Variants in JAK2 observed in about 807,000 individuals in gnomAD.
The protein encoded by JAK2 is tyrosine-protein kinase JAK2.
A neutral mutation model predicts 139.3 loss-of-function variants in JAK2; 86 were observed. The observed-to-expected ratio is 0.62, with a 90% CI of 0.52 to 0.74. The LOEUF is 0.74. JAK2 is among the 30% of genes least tolerant of loss of function. The probability of loss-of-function intolerance (pLI) is 0.00; values close to 1 mark genes in which losing one functional copy is unlikely to be tolerated. For synonymous variants in JAK2, 490 were observed against 437.7 expected, an observed-to-expected ratio of 1.12 and a Z score of -1.49; for missense variants, 1,421 against 1,360.3, an observed-to-expected ratio of 1.04 and a Z score of -0.70.
chr9:5,068,171 CAACA>C (rs1818696733), intron 10 of JAK2, among the ~76,000 whole-genome samples: 2 of 75,436 alleles, frequency 2.7e-5, no homozygotes, highest in African/African-American at 2.3e-4. Flanking sequence ...AAAAAAACAA[CAACA>C]AAAAAAAAAA....
At chr9:5,073,542 C>A (rs1225456040) in intron 13 of JAK2, among the ~76,000 whole-genome samples, 156 bp from the exon 14 acceptor site, 2 of 152,164 alleles carry the variant, frequency 1.3e-5, no homozygotes, top group African/African-American at 4.8e-5. Context: ...ATGGCAGTTG[C>A]AGGTCCATAT....
At chr9:5,111,483 A>G (rs1418838527) in intron 22 of JAK2, 2 of 374,108 alleles carry the variant, frequency 5.3e-6, no homozygotes, top group Admixed American at 3.6e-5. Flanking sequence ...TCAGGTGAGG[A>G]GTACGGTAGG....
intron 22 of JAK2, among the ~76,000 whole-genome samples, chr9:5,115,000 T>G (rs12344747): frequency 6.6e-6 from 1 of 152,122 alleles, no homozygotes; most frequent in Non-Finnish European, 1.5e-5. Flanking sequence ...ATTCAGGACA[T>G]AGGCATGGGC....
intron 2 of JAK2, among the ~76,000 whole-genome samples, chr9:5,011,585 G>C (rs1821703298): frequency 6.6e-6 from 1 of 152,098 alleles, no homozygotes; most frequent in Non-Finnish European, 1.5e-5. Flanking sequence ...ATGTATCATA[G>C]TAAACAAAGT....
At chr9:5,098,246 A>G (rs1327086331) in intron 22 of JAK2, 1 of 152,226 alleles carries the variant, frequency 6.6e-6, no homozygotes, top group Non-Finnish European at 1.5e-5. Context: ...TTTCAAGCCA[A>G]TCAAAAACCT....
intron 2 of JAK2, among the ~76,000 whole-genome samples, chr9:4,998,491 G>A (rs1016772408): frequency 8.5e-5 from 13 of 152,166 alleles, no homozygotes; most frequent in South Asian, 2.1e-4. Flanking sequence ...TCCTGACCTC[G>A]TGATCCGCCC....
intron 19 of JAK2, among the ~76,000 whole-genome samples, chr9:5,088,844 A>T (rs1427920276): frequency 1.3e-5 from 2 of 152,022 alleles, no homozygotes; most frequent in African/African-American, 4.8e-5. Context: ...TTCCACCCTT[A>T]TAACCTAATT....
In JAK2 at chr9:5,054,649, G is replaced by A. The variant is rs373174105; in HGVS notation, c.701G>A (p.Arg234His). 24 of 1,612,988 alleles carry A rather than the reference G, an allele frequency of 1.5e-5. No individual in the cohort carries two copies. Among genetic ancestry groups the A allele is most frequent in the Middle Eastern group, 1.6e-4 (1 of 6,082 alleles). The change falls in exon 7 of 25, where the codon CGC becomes CAC. Residue 234 changes from arginine (R) to histidine (H), a missense_variant. Coordinates refer to ENST00000381652, the MANE Select transcript of JAK2 (RefSeq NM_004972.4). The surrounding 1 kb of genome is among the most constrained non-coding windows in gnomAD (Gnocchi z 4.9). ...LTRKRIRYRF[R>H]RFIQQFSQCK... ...AGGAAGCGAATAAGGTACAGATTTC[G>A]CAGATTTATTCAGCAATTCAGCCAA...
chr9:5,092,454 C>A (rs1485652932), intron 22 of JAK2, among the ~76,000 whole-genome samples: 1 of 152,174 alleles, frequency 6.6e-6, no homozygotes, highest in Non-Finnish European at 1.5e-5. Context: ...CGGAAGATTT[C>A]ATCACAACCT....
chr9:5,054,797 G>T lies in JAK2; in HGVS notation c.849G>T (p.Glu283Asp), dbSNP rs762791853. The T allele has an allele frequency of 1.9e-6, 3 of 1,613,078 alleles. No homozygotes were observed. Among genetic ancestry groups the T allele is most frequent in the Non-Finnish European group, 2.5e-6 (3 of 1,179,326 alleles). ...KEPGSGPSGE[E>D]IFATIIITGN... ...CTGGAAGTGGTCCTTCAGGTGAGGA[G>T]ATTTTTGCAACCATTATAATAACTG... is the stretch of plus-strand genomic sequence containing the variant. Residue 283 changes from glutamate (E) to aspartate (D), a missense_variant, in exon 7 of 25, where the codon GAG (glutamate) becomes GAT (aspartate). Physicochemically the swap from Glu to Asp is conservative, Grantham distance 45 (BLOSUM62 2). Transcript: ENST00000381652. The surrounding 1 kb of genome is among the most constrained non-coding windows in gnomAD (Gnocchi z 4.9).
At chr9:5,068,733 C>T (rs1818741345) in intron 10 of JAK2, among the ~76,000 whole-genome samples, 1 of 152,178 alleles carries the variant, frequency 6.6e-6, no homozygotes, top group Non-Finnish European at 1.5e-5. Flanking sequence ...TAGGCTTTAT[C>T]TTATAAATGA....
chr9:5,096,826 A>G (rs77419849), intron 22 of JAK2: 33 of 152,298 alleles, frequency 2.2e-4, no homozygotes, highest in African/African-American at 7.2e-4. Context: ...GACCAGATCT[A>G]TAATGTTATT....
chr9:5,035,537 G>A lies in JAK2; in HGVS notation c.350+5631G>A, dbSNP rs190788221. On this transcript the variant is annotated intron_variant, in intron 4 of 24. Coordinates refer to ENST00000381652, the MANE Select transcript of JAK2 (RefSeq NM_004972.4). ...GCACATCAAAAAGCTTATCCACCAT[G>A]ATCAAGTGGGCTTCATGCCTGGGAT... Among the ~76,000 whole-genome samples, 706 of 152,302 alleles carry A rather than the reference G, an allele frequency of 4.6e-3. 6 individuals are homozygous for A. The highest frequency in any genetic ancestry group is 0.016 in the African/African-American group (671 of 41,570).
At chr9:5,010,243 T>C (rs2129948450) in intron 2 of JAK2, among the ~76,000 whole-genome samples, 1 of 152,346 alleles carries the variant, frequency 6.6e-6, no homozygotes, top group South Asian at 2.1e-4. Context: ...TCCTTTTAGC[T>C]ACTGTTGTTA....
At chr9:5,038,590 T>G (rs1254298237) in intron 4 of JAK2, among the ~76,000 whole-genome samples, 1 of 102,334 alleles carries the variant, frequency 9.8e-6, no homozygotes. Flanking sequence ...GTGTTTTGGA[T>G]TTTAGATTTT....
intron 22 of JAK2, 173 bp downstream of exon 22, chr9:5,091,084 C>A: frequency 2.0e-6 from 1 of 489,564 alleles, no homozygotes. Context: ...TTATAGTCCA[C>A]GTGGGAAAAT....
At chr9:5,097,821 C>G (rs369766505) in intron 22 of JAK2, 1 of 152,196 alleles carries the variant, frequency 6.6e-6, no homozygotes, top group Non-Finnish European at 1.5e-5. Context: ...GAGCGGTGTT[C>G]GCCATCATAG....
chr9:4,999,623 C>T (rs912769057), intron 2 of JAK2, among the ~76,000 whole-genome samples: 2 of 152,144 alleles, frequency 1.3e-5, no homozygotes, highest in Admixed American at 6.5e-5. Flanking sequence ...CAAGGAGAGC[C>T]AGTTCAAGTC....
chr9:5,042,542 C>G (rs1816667178), intron 4 of JAK2, among the ~76,000 whole-genome samples: 1 of 152,210 alleles, frequency 6.6e-6, no homozygotes, highest in South Asian at 2.1e-4. Flanking sequence ...CCTCCACCCC[C>G]ACCCCTCCAT....
Sources: gnomAD v4.1 joint callset for allele counts (sites outside exome capture counted in the v4.1 genomes callset) on GRCh38, gnomAD v4.1.1 for gene constraint, Gnocchi (gnomAD v3.1) non-coding constraint, MANE v1.5 for transcripts, NCBI Gene and HGNC (gene_info 2026-07-23, HGNC 2026-07-21) for gene names.